Variants in SH3PXD2A observed in about 807,000 individuals in gnomAD.
SH3PXD2A encodes the protein SH3 and PX domains 2A, also known as SH3 and PX domain-containing protein 2A.
A neutral mutation model predicts 115.2 loss-of-function variants in SH3PXD2A; 32 were observed. The observed-to-expected ratio is 0.28, with a 90% CI of 0.21 to 0.37. SH3PXD2A has a LOEUF of 0.37. Ranked by LOEUF, SH3PXD2A falls within the 10% of genes least tolerant of loss-of-function variation. The pLI, the probability that SH3PXD2A is intolerant of heterozygous loss-of-function variation, is 1.00. For missense variants in SH3PXD2A, 1,328 were observed against 1,498.7 expected, an observed-to-expected ratio of 0.89 and a Z score of 1.88; for synonymous variants, 610 against 629.1, an observed-to-expected ratio of 0.97 and a Z score of 0.45.
intron 4 of SH3PXD2A, among the ~76,000 whole-genome samples, chr10:103,729,386 C>G (rs2038286702): frequency 6.6e-6 from 1 of 152,230 alleles, no homozygotes; most frequent in Non-Finnish European, 1.5e-5. Context: ...TCTTCCAGCT[C>G]TAACTGTTAA....
At chr10:103,684,261 C>G (rs755785841) in intron 6 of SH3PXD2A, among the ~76,000 whole-genome samples, 4 of 152,154 alleles carry the variant, frequency 2.6e-5, no homozygotes, top group South Asian at 2.1e-4. Context: ...CAGCAGAAGA[C>G]CAGGTTCTGC....
chr10:103,757,075 C>T (rs2038649901), intron 3 of SH3PXD2A, among the ~76,000 whole-genome samples: 1 of 152,152 alleles, frequency 6.6e-6, no homozygotes, highest in South Asian at 2.1e-4. Context: ...ACCCTGGGGA[C>T]ACCAGGGTAT....
At chr10:103,737,915 T>C (rs1282765191) in intron 3 of SH3PXD2A, among the ~76,000 whole-genome samples, 1 of 152,202 alleles carries the variant, frequency 6.6e-6, no homozygotes, top group Non-Finnish European at 1.5e-5. Flanking sequence ...CTGCATCCTA[T>C]TGCATGTGAC....
At chr10:103,680,897 C>T (rs913860440) in intron 6 of SH3PXD2A, among the ~76,000 whole-genome samples, 42 of 152,198 alleles carry the variant, frequency 2.8e-4, no homozygotes, top group Non-Finnish European at 3.7e-4. Flanking sequence ...CTAAAAGTAA[C>T]TTTAGATTAG....
intron 3 of SH3PXD2A, among the ~76,000 whole-genome samples, chr10:103,742,222 G>C (rs372683722): frequency 1.3e-5 from 2 of 152,128 alleles, no homozygotes; most frequent in Non-Finnish European, 2.9e-5. Flanking sequence ...GTGCCAGCAG[G>C]GTCACGCTCC....
chr10:103,687,900 C>T (rs563571253), intron 6 of SH3PXD2A, among the ~76,000 whole-genome samples: 92 of 152,284 alleles, frequency 6.0e-4, no homozygotes, highest in Middle Eastern at 3.4e-3. Flanking sequence ...CAGCACACAC[C>T]GTCACCCCAG....
At chr10:103,723,848 T>C (rs2038209856) in intron 5 of SH3PXD2A, among the ~76,000 whole-genome samples, 2 of 152,246 alleles carry the variant, frequency 1.3e-5, no homozygotes, top group African/African-American at 4.8e-5. Flanking sequence ...ACTGCTGTTA[T>C]TTGGCAGGTG....
At chr10:103,704,603 T>C (rs967567076) in intron 5 of SH3PXD2A, among the ~76,000 whole-genome samples, 4 of 152,224 alleles carry the variant, frequency 2.6e-5, no homozygotes, top group African/African-American at 9.6e-5. Flanking sequence ...GCTGACTTAA[T>C]GAGCCTGTTC....
At chr10:103,633,423 A>G (rs1222656158) in intron 8 of SH3PXD2A, among the ~76,000 whole-genome samples, 1 of 151,884 alleles carries the variant, frequency 6.6e-6, no homozygotes, top group Non-Finnish European at 1.5e-5. Flanking sequence ...CTGAAAAACA[A>G]AAACAAAAAC....
intron 5 of SH3PXD2A, among the ~76,000 whole-genome samples, chr10:103,712,204 C>T (rs2038054970): frequency 6.6e-6 from 1 of 151,760 alleles, no homozygotes; most frequent in Admixed American, 6.5e-5. Flanking sequence ...AAAACAAGTA[C>T]ATATTATAGC....
chr10:103,845,330 C>CAAA (rs371956451), intron 1 of SH3PXD2A, among the ~76,000 whole-genome samples: 66 of 37,178 alleles, frequency 1.8e-3, no homozygotes, highest in South Asian at 4.4e-3. Context: ...GACTTCATCT[C>CAAA]AAAAAAAAAA....
chr10:103,668,890 C>G (rs974130865), intron 6 of SH3PXD2A, among the ~76,000 whole-genome samples: 1 of 152,218 alleles, frequency 6.6e-6, no homozygotes, highest in African/African-American at 2.4e-5. Flanking sequence ...ATGAGGTGTC[C>G]GCCGAAATGC....
At chr10:103,694,993 G>A (rs1049246543) in intron 5 of SH3PXD2A, among the ~76,000 whole-genome samples, 1 of 152,222 alleles carries the variant, frequency 6.6e-6, no homozygotes, top group Non-Finnish European at 1.5e-5. Context: ...CCTGAGAGGA[G>A]GAGGAGAGTA....
chr10:103,691,429 G>A (rs949132859), intron 6 of SH3PXD2A, among the ~76,000 whole-genome samples: 2 of 152,088 alleles, frequency 1.3e-5, no homozygotes, highest in African/African-American at 4.8e-5. Flanking sequence ...GTTCAACCAG[G>A]ACACTATACG....
At chr10:103,815,939 T>G (rs369351116) in intron 1 of SH3PXD2A, among the ~76,000 whole-genome samples, 7 of 151,492 alleles carry the variant, frequency 4.6e-5, no homozygotes, top group African/African-American at 1.7e-4. Flanking sequence ...ATCTCATATA[T>G]GGATTCTAGA....
At chr10:103,609,093 C>T (rs2036383822) in intron 13 of SH3PXD2A, 1 of 149,966 alleles carries the variant, frequency 6.7e-6, no homozygotes, top group Non-Finnish European at 1.5e-5. Context: ...GAGTTCGAGG[C>T]TGCAGTGAGC....
At chr10:103,626,606 TAAA>T (rs150670940) in intron 9 of SH3PXD2A, among the ~76,000 whole-genome samples, 1 of 114,646 alleles carries the variant, frequency 8.7e-6, no homozygotes, top group East Asian at 2.5e-4. Context: ...TGTTTGGAAT[TAAA>T]AAAAAAAAAA....
In SH3PXD2A at chr10:103,845,327, T is replaced by C. The variant is rs553682327; in HGVS notation, c.72+9868A>G. Among the ~76,000 whole-genome samples, 287 of 53,174 alleles carry C rather than the reference T, an allele frequency of 5.4e-3. 1 individual carries two copies. Among genetic ancestry groups the C allele is most frequent in the Admixed American group, 7.6e-3 (36 of 4,732 alleles). 34.9% of individuals were successfully genotyped at this position (53,174 alleles called of 152,430 possible). A position where few individuals can be genotyped will look rare whatever the true frequency, so the allele number is the denominator to read the frequency against. On this transcript the variant is annotated intron_variant, in intron 1 of 14. Coordinates refer to ENST00000369774, the MANE Select transcript of SH3PXD2A (RefSeq NM_001394015.1). ...GCCTGGACGACAGAGCGAGACTTCA[T>C]CTCAAAAAAAAAAAAAAAGAAAAAA...
chr10:103,850,138 A>C (rs1842883693), intron 1 of SH3PXD2A, among the ~76,000 whole-genome samples: 1 of 152,140 alleles, frequency 6.6e-6, no homozygotes, highest in Non-Finnish European at 1.5e-5. Context: ...CTGGCCCCGG[A>C]ATATCTCTTT....
Sources: gnomAD v4.1 joint callset for allele counts (sites outside exome capture counted in the v4.1 genomes callset) on GRCh38, gnomAD v4.1.1 for gene constraint, MANE v1.5 for transcripts, NCBI Gene and HGNC (gene_info 2026-07-23, HGNC 2026-07-21) for gene names.